HS6ST3: variants seen among roughly 807,000 people sequenced by gnomAD.
The protein encoded by HS6ST3 is heparan-sulfate 6-O-sulfotransferase 3.
HS6ST3 carries 12 observed loss-of-function variants against 36.7 expected under a neutral mutation model. That is an observed-to-expected ratio of 0.33 (90% confidence interval 0.21 to 0.53). HS6ST3 has a LOEUF of 0.53. Among genes scored for constraint, HS6ST3 ranks in the 20% least tolerant of loss-of-function variants. HS6ST3 has a pLI of 0.95. For synonymous variants in HS6ST3, 240 were observed against 257.5 expected, an observed-to-expected ratio of 0.93 and a Z score of 0.65; for missense variants, 584 against 640.9, an observed-to-expected ratio of 0.91 and a Z score of 0.96.
intron 1 of HS6ST3, among the ~76,000 whole-genome samples, chr13:96,285,872 TCTCTTTTCCTCTCTCTCTCC>T (rs1566311918): frequency 1.3e-5 from 2 of 151,510 alleles, no homozygotes; most frequent in African/African-American, 4.9e-5. Context: ...TCCCTTCCTC[TCTCTTTTCCTCTCTCTCTCC>T]CTCTTTCCCT....
At chr13:96,380,134 A>G (rs189411494) in intron 1 of HS6ST3, among the ~76,000 whole-genome samples, 7 of 152,324 alleles carry the variant, frequency 4.6e-5, no homozygotes, top group Admixed American at 3.9e-4. Flanking sequence ...TCTCTGCTTC[A>G]TAGAACATTC....
intron 1 of HS6ST3, among the ~76,000 whole-genome samples, chr13:96,240,638 G>A (rs2054555503): frequency 6.6e-6 from 1 of 152,152 alleles, no homozygotes; most frequent in Non-Finnish European, 1.5e-5. Flanking sequence ...TGAGAGATTG[G>A]AGTGTAGAGA....
intron 1 of HS6ST3, among the ~76,000 whole-genome samples, chr13:96,496,563 A>G (rs1338909200): frequency 1.3e-5 from 2 of 152,040 alleles, no homozygotes; most frequent in Non-Finnish European, 2.9e-5. Flanking sequence ...GGCCATGTGG[A>G]AAGAGATATG....
At chr13:96,197,486 T>C (rs2054320053) in intron 1 of HS6ST3, among the ~76,000 whole-genome samples, 1 of 152,110 alleles carries the variant, frequency 6.6e-6, no homozygotes, top group African/African-American at 2.4e-5. Flanking sequence ...CCAAATCTCA[T>C]GTCATCATAT....
intron 1 of HS6ST3, among the ~76,000 whole-genome samples, chr13:96,625,118 C>T (rs2056507653): frequency 1.3e-5 from 2 of 152,156 alleles, no homozygotes; most frequent in South Asian, 4.1e-4. Flanking sequence ...TGCATTGATA[C>T]CCACTTTTAA....
At chr13:96,331,995 C>T (rs894793009) in intron 1 of HS6ST3, among the ~76,000 whole-genome samples, 4 of 152,236 alleles carry the variant, frequency 2.6e-5, no homozygotes, top group African/African-American at 9.6e-5. Context: ...AACTCCCTGA[C>T]CCCTTGCGCT....
intron 1 of HS6ST3, among the ~76,000 whole-genome samples, chr13:96,206,502 A>T (rs947088947): frequency 1.3e-5 from 2 of 152,156 alleles, no homozygotes; most frequent in African/African-American, 4.8e-5. Flanking sequence ...AATAGCCAAG[A>T]GAATCCTAAA....
intron 1 of HS6ST3, among the ~76,000 whole-genome samples, chr13:96,150,104 A>T (rs894851542): frequency 6.6e-6 from 1 of 152,166 alleles, no homozygotes; most frequent in Non-Finnish European, 1.5e-5. Flanking sequence ...AACAAGAGGA[A>T]TAAGGTACGT....
At chr13:96,364,948 C>T (rs887695190) in intron 1 of HS6ST3, among the ~76,000 whole-genome samples, 1 of 152,170 alleles carries the variant, frequency 6.6e-6, no homozygotes, top group Non-Finnish European at 1.5e-5. Context: ...CATTTATGAT[C>T]TCCCTTCTAG....
chr13:96,222,586 C>T (rs2054461302), intron 1 of HS6ST3, among the ~76,000 whole-genome samples: 1 of 152,186 alleles, frequency 6.6e-6, no homozygotes, highest in Non-Finnish European at 1.5e-5. Flanking sequence ...GTTTTGTTAC[C>T]TTGTTGCTGG....
At chr13:96,164,923 A>T (rs2054153707) in intron 1 of HS6ST3, among the ~76,000 whole-genome samples, 1 of 152,196 alleles carries the variant, frequency 6.6e-6, no homozygotes, top group Non-Finnish European at 1.5e-5. Context: ...AACCACGGAT[A>T]CATATTTCAT....
At chr13:96,439,943 C>T (rs902217384) in intron 1 of HS6ST3, among the ~76,000 whole-genome samples, 7 of 152,194 alleles carry the variant, frequency 4.6e-5, no homozygotes, top group Admixed American at 4.6e-4. Flanking sequence ...CAAAACCAGA[C>T]AGAAATAGAA....
intron 1 of HS6ST3, among the ~76,000 whole-genome samples, chr13:96,122,887 G>A (rs1372675121): frequency 6.6e-6 from 1 of 152,144 alleles, no homozygotes; most frequent in Non-Finnish European, 1.5e-5. Flanking sequence ...GCTTTAGTGT[G>A]CCAGTTAGAT....
At chr13:96,235,374 T>TG (rs2054529297) in intron 1 of HS6ST3, among the ~76,000 whole-genome samples, 1 of 152,084 alleles carries the variant, frequency 6.6e-6, no homozygotes, top group Non-Finnish European at 1.5e-5. Flanking sequence ...CAACTGATGT[T>TG]TGAAGGTGGG....
At chr13:96,785,967 C>G (rs1877636915) in intron 1 of HS6ST3, among the ~76,000 whole-genome samples, 1 of 152,244 alleles carries the variant, frequency 6.6e-6, no homozygotes, top group South Asian at 2.1e-4. Context: ...CTTAAAGAAA[C>G]AATAATAACA....
chr13:96,501,770 T>C (rs61363366), intron 1 of HS6ST3, among the ~76,000 whole-genome samples: 5,050 of 152,362 alleles, frequency 0.033, 264 homozygotes, highest in African/African-American at 0.11. Flanking sequence ...ATGTAGGAAC[T>C]GGAAGTCCTA....
intron 1 of HS6ST3, among the ~76,000 whole-genome samples, chr13:96,288,087 T>G (rs2054812285): frequency 6.6e-6 from 1 of 152,134 alleles, no homozygotes; most frequent in Admixed American, 6.6e-5. Flanking sequence ...CACTGCAGAT[T>G]TACTGATTCA....
intron 1 of HS6ST3, among the ~76,000 whole-genome samples, chr13:96,239,084 A>G (rs781135539): frequency 6.6e-6 from 1 of 152,184 alleles, no homozygotes. Flanking sequence ...TGTTCCTTAT[A>G]TGGGAGACCT....
chr13:96,590,695 T>C (rs2056378904), intron 1 of HS6ST3, among the ~76,000 whole-genome samples: 1 of 152,192 alleles, frequency 6.6e-6, no homozygotes, highest in South Asian at 2.1e-4. Flanking sequence ...TTTAACTTGA[T>C]GTGATTCCAT....
Sources: allele counts gnomAD v4.1 joint callset (sites outside exome capture counted in the v4.1 genomes callset), GRCh38; gene constraint gnomAD v4.1.1; transcripts MANE v1.5; gene names NCBI Gene and HGNC (gene_info 2026-07-23, HGNC 2026-07-21).